OTOGL: variants seen among roughly 807,000 people sequenced by gnomAD.
OTOGL encodes otogelin like.
A neutral mutation model predicts 318.5 loss-of-function variants in OTOGL; 285 were observed. The ratio of observed to expected loss-of-function variants is 0.89; its 90% CI spans 0.81 to 0.99. The LOEUF (loss-of-function observed/expected upper bound fraction) is 0.99. OTOGL is among the 50% of genes least tolerant of loss of function. OTOGL has a pLI of 0.00. For missense variants in OTOGL, 2,899 were observed against 2,845.6 expected, an observed-to-expected ratio of 1.02 and a Z score of -0.43; for synonymous variants, 987 against 936.5, an observed-to-expected ratio of 1.05 and a Z score of -0.99.
chr12:80,310,332 T>G (rs1164403272), intron 29 of OTOGL, among the ~76,000 whole-genome samples: 1 of 152,208 alleles, frequency 6.6e-6, no homozygotes, highest in African/African-American at 2.4e-5. Context: ...CATGTAATTT[T>G]TTAAGTCATG....
chr12:80,355,384 C>T (rs570893904), intron 46 of OTOGL, among the ~76,000 whole-genome samples: 15 of 151,762 alleles, frequency 9.9e-5, no homozygotes, highest in Admixed American at 6.6e-4. Context: ...CACTACACTT[C>T]GCTAATTATT....
chr12:80,148,251 G>T (rs1592495092), intron 1 of OTOGL, among the ~76,000 whole-genome samples: 1 of 144,690 alleles, frequency 6.9e-6, no homozygotes, highest in Non-Finnish European at 1.5e-5. Flanking sequence ...CAGGTCCGGT[G>T]GTGACAAAAT....
At chr12:80,308,019 C>T (rs1453310309) in intron 29 of OTOGL, among the ~76,000 whole-genome samples, 6 of 143,604 alleles carry the variant, frequency 4.2e-5, no homozygotes, top group Non-Finnish European at 9.2e-5. Context: ...CCTCACCTGC[C>T]GGACGGGGCG....
At chr12:80,121,157 C>G (rs1424684374) in intron 1 of OTOGL, among the ~76,000 whole-genome samples, 2 of 152,144 alleles carry the variant, frequency 1.3e-5, no homozygotes, top group Non-Finnish European at 2.9e-5. Flanking sequence ...CTGCCCTGTC[C>G]TGCTTTCCTC....
intron 1 of OTOGL, among the ~76,000 whole-genome samples, chr12:80,145,378 C>T (rs1351471087): frequency 3.3e-5 from 5 of 151,920 alleles, no homozygotes; most frequent in East Asian, 1.9e-4. Flanking sequence ...AGATATGCGG[C>T]GTTATTTCTG....
At chr12:80,321,033 C>T (rs1231734607) in intron 34 of OTOGL, among the ~76,000 whole-genome samples, 1 of 152,126 alleles carries the variant, frequency 6.6e-6, no homozygotes, top group Non-Finnish European at 1.5e-5. Flanking sequence ...ACTCATGTGG[C>T]TTAGTTGTCT....
intron 43 of OTOGL, 135 bp downstream of exon 43, chr12:80,339,399 C>A: frequency 1.4e-6 from 1 of 702,006 alleles, no homozygotes; most frequent in South Asian, 2.0e-5. Context: ...TTTCAGTTCC[C>A]ATGTAAATAC....
chr12:80,333,621 C>T (rs1888216498), intron 38 of OTOGL, among the ~76,000 whole-genome samples: 2 of 152,054 alleles, frequency 1.3e-5, no homozygotes, highest in South Asian at 4.1e-4. Flanking sequence ...GCAAATATTT[C>T]TGCCTTTCCA....
intron 21 of OTOGL, among the ~76,000 whole-genome samples, chr12:80,266,927 C>T (rs1883022811): frequency 6.6e-6 from 1 of 152,132 alleles, no homozygotes; most frequent in Non-Finnish European, 1.5e-5. Flanking sequence ...TCTCAATTTA[C>T]ACACGAAGTA....
At chr12:80,193,778 G>T (rs1033321537) in intron 1 of OTOGL, among the ~76,000 whole-genome samples, 1 of 152,184 alleles carries the variant, frequency 6.6e-6, no homozygotes, top group African/African-American at 2.4e-5. Context: ...GACTGAGAAT[G>T]ACAAGGGTTA....
chr12:80,157,970 T>A lies in OTOGL; in HGVS notation c.-19-51443T>A, dbSNP rs188827604. ...TCTTTATTGATTTATGTGAAAAAAA[T>A]TTTTAATCTAGTACCTGGTTAGTAA... On this transcript the variant is annotated intron_variant, in intron 1 of 58. Transcript: ENST00000547103. Among the ~76,000 whole-genome samples the A allele has an allele frequency of 2.7e-3, 412 of 152,270 alleles. 4 individuals are homozygous for A. Among genetic ancestry groups the A allele is most frequent in the Middle Eastern group, 0.01 (3 of 294 alleles).
chr12:80,119,379 C>G (rs183847583), intron 1 of OTOGL, among the ~76,000 whole-genome samples: 2 of 152,294 alleles, frequency 1.3e-5, no homozygotes, highest in East Asian at 3.9e-4. Context: ...GTCTCCTTGC[C>G]CCTAAATTCA....
Position 80,253,593 on chromosome 12 carries a change from G to A in OTOGL, c.1394+19G>A, listed in dbSNP as rs373157109. The stretch of plus-strand genomic sequence containing the variant: ...CTGAATGGTATGTGATCAGTGTGCA[G>A]CCAATTATTTCTGGGTACTTGGCTA... On this transcript the variant is annotated intron_variant, in intron 14 of 58. Transcript: ENST00000547103. 398 of 1,565,754 alleles carry A rather than the reference G, an allele frequency of 2.5e-4. No individual in the cohort carries two copies. The highest frequency in any genetic ancestry group is 3.2e-4 in the Non-Finnish European group (366 of 1,137,146).
intron 10 of OTOGL, 118 bp from the exon 11 acceptor site, chr12:80,239,215 G>A (rs914935272): frequency 1.2e-4 from 114 of 968,730 alleles, no homozygotes; most frequent in Non-Finnish European, 1.7e-4. Flanking sequence ...AAATGTATAA[G>A]TTACCATCTT....
intron 36 of OTOGL, 139 bp from the exon 37 acceptor site, chr12:80,328,912 T>A: frequency 6.9e-6 from 7 of 1,009,890 alleles, no homozygotes; most frequent in Non-Finnish European, 1.0e-5. Flanking sequence ...TTTTAAATCA[T>A]GTAGATCTTC....
At chr12:80,158,341 T>C (rs185505873) in intron 1 of OTOGL, among the ~76,000 whole-genome samples, 23 of 152,224 alleles carry the variant, frequency 1.5e-4, no homozygotes, top group Admixed American at 2.6e-4. Context: ...GGGGATGTTA[T>C]GTCATAAATG....
chr12:80,259,964 A>G (rs763388037), intron 18 of OTOGL, among the ~76,000 whole-genome samples: 2 of 152,044 alleles, frequency 1.3e-5, no homozygotes, highest in African/African-American at 4.8e-5. Flanking sequence ...TGAGCATTCA[A>G]AGTTAAATCT....
intron 1 of OTOGL, among the ~76,000 whole-genome samples, chr12:80,167,882 G>A (rs1316405525): frequency 1.2e-4 from 18 of 151,992 alleles, no homozygotes; most frequent in Non-Finnish European, 2.9e-5. Flanking sequence ...AGTCACTTGA[G>A]AATTATCTCT....
intron 26 of OTOGL, among the ~76,000 whole-genome samples, chr12:80,290,187 C>T (rs1006579934): frequency 2.2e-4 from 33 of 152,144 alleles, no homozygotes; most frequent in African/African-American, 4.6e-4. Context: ...GGTGACACCC[C>T]GCCCTGCTTC....
Sources: allele counts gnomAD v4.1 joint callset (sites outside exome capture counted in the v4.1 genomes callset), GRCh38; gene constraint gnomAD v4.1.1; transcripts MANE v1.5; gene names NCBI Gene and HGNC (gene_info 2026-07-23, HGNC 2026-07-21).